The following CHRM3 variants were observed in gnomAD, a reference collection of about 807,000 sequenced individuals.
The protein encoded by CHRM3 is cholinergic receptor muscarinic 3, also known as muscarinic acetylcholine receptor M3.
In CHRM3, 11 loss-of-function variants were observed where a neutral mutation model predicts 41.8. That is an observed-to-expected ratio of 0.26 (90% CI 0.17 to 0.44). CHRM3 has a LOEUF of 0.44. Ranked by LOEUF, CHRM3 falls within the 20% of genes least tolerant of loss-of-function variation. The probability of loss-of-function intolerance (pLI) is 1.00; values close to 1 mark genes in which losing one functional copy is unlikely to be tolerated. For missense variants in CHRM3, 571 were observed against 745.4 expected (o/e 0.77, Z 2.72); for synonymous variants, 297 against 301.4 (o/e 0.99, Z 0.15).
At chr1:239,677,591 G>A (rs528208435) in intron 4 of CHRM3, among the ~76,000 whole-genome samples, 1 of 152,292 alleles carries the variant, frequency 6.6e-6, no homozygotes, top group East Asian at 1.9e-4. Flanking sequence ...TCACATGGCA[G>A]AAGGCAGAAA....
chr1:239,483,267 T>C (rs918556732), intron 1 of CHRM3, among the ~76,000 whole-genome samples: 2 of 152,242 alleles, frequency 1.3e-5, no homozygotes, highest in African/African-American at 4.8e-5. Context: ...TCAGAAGTGT[T>C]GTCCCAGTAG....
At chr1:239,570,057 T>G (rs932394016) in intron 3 of CHRM3, among the ~76,000 whole-genome samples, 1 of 152,136 alleles carries the variant, frequency 6.6e-6, no homozygotes, top group African/African-American at 2.4e-5. Flanking sequence ...TGATATGGTT[T>G]GGCTCTTTGT....
At chr1:239,655,478 A>C (rs998494917) in intron 4 of CHRM3, among the ~76,000 whole-genome samples, 1 of 152,190 alleles carries the variant, frequency 6.6e-6, no homozygotes, top group Non-Finnish European at 1.5e-5. Flanking sequence ...ACTTTCATCT[A>C]TCCCTGCCTT....
intron 6 of CHRM3, among the ~76,000 whole-genome samples, chr1:239,853,161 G>A (rs1180936298): frequency 6.6e-6 from 1 of 151,722 alleles, no homozygotes; most frequent in South Asian, 2.1e-4. Flanking sequence ...TCTCAATAAA[G>A]TGTTGGTCTT....
At chr1:239,555,981 T>A (rs1285615363) in intron 3 of CHRM3, among the ~76,000 whole-genome samples, 1 of 152,224 alleles carries the variant, frequency 6.6e-6, no homozygotes, top group Non-Finnish European at 1.5e-5. Context: ...CAATCATTTT[T>A]AGTGATCTTT....
At chr1:239,408,727 G>C (rs1272799698) in intron 1 of CHRM3, among the ~76,000 whole-genome samples, 2 of 151,726 alleles carry the variant, frequency 1.3e-5, no homozygotes, top group Non-Finnish European at 2.9e-5. Flanking sequence ...GCTCAGTGCA[G>C]CCTGACCGCT....
intron 1 of CHRM3, among the ~76,000 whole-genome samples, chr1:239,450,947 T>C (rs575159527): frequency 1.4e-4 from 21 of 152,316 alleles, no homozygotes; most frequent in African/African-American, 4.8e-4. Context: ...GCCAGCACTT[T>C]GGGAGGCCAT....
intron 2 of CHRM3, among the ~76,000 whole-genome samples, chr1:239,538,102 G>A (rs1658387716): frequency 6.6e-6 from 1 of 152,296 alleles, no homozygotes. Context: ...AAGAGGGGAA[G>A]TAGCAGAAGA....
At chr1:239,776,167 T>C (rs1341121993) in intron 5 of CHRM3, among the ~76,000 whole-genome samples, 2 of 152,218 alleles carry the variant, frequency 1.3e-5, no homozygotes, top group African/African-American at 4.8e-5. Context: ...CATAGATGCA[T>C]AATACAGTGG....
chr1:239,560,598 A>T (rs1016758709), intron 3 of CHRM3, among the ~76,000 whole-genome samples: 3 of 152,146 alleles, frequency 2.0e-5, no homozygotes, highest in East Asian at 1.9e-4. Flanking sequence ...TATCGTATGA[A>T]TGTACCAAAA....
At chr1:239,596,452 CTAT>C in intron 3 of CHRM3, among the ~76,000 whole-genome samples, 1 of 152,016 alleles carries the variant, frequency 6.6e-6, no homozygotes, top group Non-Finnish European at 1.5e-5. Context: ...AGAGGTGCCT[CTAT>C]TATTTAAAAA....
chr1:239,530,601 A>G (rs530478047), intron 2 of CHRM3, among the ~76,000 whole-genome samples: 1 of 152,318 alleles, frequency 6.6e-6, no homozygotes, highest in East Asian at 1.9e-4. Flanking sequence ...TGGCCTAAGA[A>G]CTAAAGGATA....
At chr1:239,721,624 A>G (rs974750603) in intron 5 of CHRM3, among the ~76,000 whole-genome samples, 7 of 151,970 alleles carry the variant, frequency 4.6e-5, no homozygotes, top group African/African-American at 1.2e-4. Context: ...AAAGGACTCA[A>G]AAATGTCCTT....
intron 3 of CHRM3, among the ~76,000 whole-genome samples, chr1:239,559,941 A>G (rs1044523863): frequency 2.0e-5 from 3 of 152,186 alleles, no homozygotes; most frequent in Non-Finnish European, 4.4e-5. Flanking sequence ...TTTGGCATTG[A>G]CCGCAGTAGA....
chr1:239,740,993 T>C (rs1664800105), intron 5 of CHRM3, among the ~76,000 whole-genome samples: 1 of 152,340 alleles, frequency 6.6e-6, no homozygotes, highest in East Asian at 1.9e-4. Context: ...TATTTTTTCC[T>C]TATGTATTCA....
chr1:239,694,797 A>C (rs1660028863), intron 5 of CHRM3, among the ~76,000 whole-genome samples: 2 of 152,186 alleles, frequency 1.3e-5, no homozygotes, highest in South Asian at 4.1e-4. Context: ...TTTCAATATA[A>C]ACAAAAATCA....
intron 2 of CHRM3, among the ~76,000 whole-genome samples, chr1:239,520,786 A>G (rs547139903): frequency 6.6e-6 from 1 of 152,314 alleles, no homozygotes; most frequent in African/African-American, 2.4e-5. Flanking sequence ...AAGATTTGAT[A>G]TTGACCCTGT....
intron 5 of CHRM3, among the ~76,000 whole-genome samples, chr1:239,778,532 A>G (rs1370535728): frequency 1.3e-5 from 2 of 152,168 alleles, no homozygotes; most frequent in Non-Finnish European, 2.9e-5. Context: ...TTATCTTGGC[A>G]GACAAGAATT....
At chr1:239,697,548 A>T (rs907895774) in intron 5 of CHRM3, among the ~76,000 whole-genome samples, 18 of 152,338 alleles carry the variant, frequency 1.2e-4, no homozygotes, top group African/African-American at 3.8e-4. Context: ...ATCAAGGCTC[A>T]TAGATGGCAA....
Sources: gnomAD v4.1 joint callset for allele counts (sites outside exome capture counted in the v4.1 genomes callset) on GRCh38, gnomAD v4.1.1 for gene constraint, MANE v1.5 for transcripts, NCBI Gene and HGNC (gene_info 2026-07-23, HGNC 2026-07-21) for gene names.